Variants in ZNF112 observed in about 807,000 individuals in gnomAD.
ZNF112 encodes the protein zinc finger protein 112 (Y14).
Under a neutral mutation model 77.7 loss-of-function variants are expected in ZNF112, and 37 were observed. The observed-to-expected ratio is 0.48, with a 90% CI of 0.37 to 0.63. The LOEUF is 0.63. ZNF112 is among the 20% of genes least tolerant of loss of function. ZNF112 has a pLI of 0.00. For missense variants in ZNF112, 950 were observed against 1,077.4 expected, an observed-to-expected ratio of 0.88 and a Z score of 1.66; for synonymous variants, 333 against 363.6, an observed-to-expected ratio of 0.92 and a Z score of 0.96.
rs368117046 is a variant in ZNF112 at position 44,329,210 on chromosome 19, T to C, written c.947A>G (p.Gln316Arg). 2.5e-5 allele frequency: 40 copies of C among 1,613,792 alleles called. No homozygotes were observed. Among genetic ancestry groups the C allele is most frequent in the Non-Finnish European group, 2.9e-5 (34 of 1,180,018 alleles). The change falls in exon 4 of 4, where the codon CAG (glutamine) becomes CGG (arginine). Residue 316 changes from glutamine to arginine, a missense_variant. This residue lies in a region of ZNF112 where 560 missense variants were observed against 557.3 expected (regional missense o/e 1.00). Transcript: ENST00000354340. Reference sequence around the variant, plus strand: ...TGGTTTCTCCTCTGTATGCACTCTCTGATAGGATTTCAGATGTGAATTCTC... The same window carrying C: ...TGGTTTCTCCTCTGTATGCACTCTCCGATAGGATTTCAGATGTGAATTCTC... ...DIENSHLKSY[Q>R]RVHTEEKPCK... is the part of the protein sequence containing the mutation.
chr19:44,355,931 C>A (rs1970778629), intron 1 of ZNF112, among the ~76,000 whole-genome samples: 1 of 152,202 alleles, frequency 6.6e-6, no homozygotes, highest in South Asian at 2.1e-4. Context: ...GCCAAAGGGT[C>A]ATTCCCTCCT....
chr19:44,344,525 C>T (rs1218995253), intron 1 of ZNF112, among the ~76,000 whole-genome samples: 5 of 152,196 alleles, frequency 3.3e-5, no homozygotes, highest in Non-Finnish European at 1.5e-5. Context: ...GATGTAAGCA[C>T]AACTACCAAG....
At position 44,329,937 on chromosome 19, in the gene ZNF112, C is replaced by A. The variant is rs771502925; in HGVS notation, c.221-1G>T. On this transcript the variant is annotated splice_acceptor_variant, in intron 3 of 3. Transcript: ENST00000354340. LOFTEE classifies it high-confidence loss of function. ...TCCATCTTTTGTTGATTCTTCCTTC[C>A]TATAAGGATAAAGAGAATTCAGATG... is the stretch of plus-strand genomic sequence containing the variant. 3 of 1,605,194 alleles carry A rather than the reference C, an allele frequency of 1.9e-6. No homozygotes were observed. Among genetic ancestry groups the A allele is most frequent in the South Asian group, 1.1e-5 (1 of 90,258 alleles).
At chr19:44,357,257 T>C (rs1970801975), upstream of ZNF112, among the ~76,000 whole-genome samples, 1 of 152,226 alleles carries the variant, frequency 6.6e-6, no homozygotes, top group African/African-American at 2.4e-5. Context: ...AAGCGGACTT[T>C]ACCTACCTAC....
chr19:44,360,274 GA>G (rs1970843182), upstream of ZNF112, among the ~76,000 whole-genome samples: 2 of 145,020 alleles, frequency 1.4e-5, no homozygotes, highest in African/African-American at 5.1e-5. Flanking sequence ...AAAAAGAAAA[GA>G]AAAAAGAAAG....
upstream of ZNF112, among the ~76,000 whole-genome samples, chr19:44,361,557 G>A (rs2571069): frequency 0.21 from 31,423 of 152,042 alleles, 4,765 homozygotes; most frequent in African/African-American, 0.43. Flanking sequence ...TCAAAGCTAC[G>A]TACTGTAATT....
chr19:44,333,826 T>C (rs1482261910), intron 3 of ZNF112, among the ~76,000 whole-genome samples: 1 of 152,116 alleles, frequency 6.6e-6, no homozygotes, highest in Non-Finnish European at 1.5e-5. Flanking sequence ...AATGGGAGAA[T>C]GGACGAATAA....
At chr19:44,364,618 G>A (rs1230060014) in intron 1 of ZNF112, among the ~76,000 whole-genome samples, 3 of 151,230 alleles carry the variant, frequency 2.0e-5, no homozygotes, top group Admixed American at 2.0e-4. Context: ...ATGAAACAGG[G>A]ATCAAAAATA....
upstream of ZNF112, among the ~76,000 whole-genome samples, chr19:44,358,627 G>A (rs1216148121): frequency 6.6e-6 from 1 of 152,068 alleles, no homozygotes; most frequent in Non-Finnish European, 1.5e-5. Context: ...ACTAAAATTC[G>A]CATCTTTTCA....
At chr19:44,358,081 G>A (rs1401966706), upstream of ZNF112, among the ~76,000 whole-genome samples, 3 of 151,058 alleles carry the variant, frequency 2.0e-5, no homozygotes, top group Non-Finnish European at 4.4e-5. Flanking sequence ...GAACCCGGGA[G>A]GCGGAGCTTG....
intron 1 of ZNF112, among the ~76,000 whole-genome samples, chr19:44,350,189 T>C (rs1970667077): frequency 1.3e-5 from 2 of 152,100 alleles, no homozygotes; most frequent in South Asian, 4.1e-4. Context: ...GGTTACTCAT[T>C]GTATTCTTCA....
chr19:44,363,914 AGTATTTTTTTTT>A (rs1373222221), intron 1 of ZNF112, among the ~76,000 whole-genome samples: 1 of 152,102 alleles, frequency 6.6e-6, no homozygotes, highest in African/African-American at 2.4e-5. Context: ...TGCTGTTATT[AGTATTTTTTTTT>A]GAGATGGAGT....
Position 44,340,459 on chromosome 19 carries a change from G to A in ZNF112, c.81C>T (p.Tyr27=). 6.2e-7 allele frequency: 1 copy of A among 1,614,018 alleles called. No individual in the cohort carries two copies. The highest frequency in any genetic ancestry group is 8.5e-7 in the Non-Finnish European group (1 of 1,179,958). The change falls in exon 2 of 4, where the codon TAC becomes TAT. Residue 27 remains tyrosine (Y), a synonymous_variant. Transcript: ENST00000354340. The part of the protein sequence containing the change: ...GLLDSVQRKL[Y]RDVMLENFRN... ...TGAAGTTCTCCAGCATCACATCTCG[G>A]TACAGCTTCCTCTGGACAGAGTCCA...
intron 2 of ZNF112, among the ~76,000 whole-genome samples, chr19:44,337,350 G>A (rs1342038097): frequency 1.4e-3 from 62 of 44,104 alleles, no homozygotes; most frequent in African/African-American, 5.6e-3. Flanking sequence ...TTGTATATGT[G>A]TAAAATATAT....
chr19:44,335,502 G>A (rs555657332), intron 3 of ZNF112, among the ~76,000 whole-genome samples: 1 of 152,238 alleles, frequency 6.6e-6, no homozygotes, highest in Admixed American at 6.5e-5. Flanking sequence ...AAAAATTAAG[G>A]TATTTTAAAA....
chr19:44,327,948 G>C lies in ZNF112; in HGVS notation c.2209C>G (p.His737Asp). ...RAYLQGHQRV[H>D]TRVKPYKCEM... ...CATTTATACGGTTTCACTCTAGTGT[G>C]GACTCTCTGATGACCTTGAAGATAT... Residue 737 changes from histidine to aspartate, a missense_variant, in exon 4 of 4, where the codon CAC becomes GAC. Transcript: ENST00000354340. 6.2e-7 allele frequency: 1 copy of C among 1,613,412 alleles called. No individual in the cohort carries two copies. The highest frequency in any genetic ancestry group is 8.5e-7 in the Non-Finnish European group (1 of 1,179,872).
intron 1 of ZNF112, among the ~76,000 whole-genome samples, chr19:44,346,988 C>T (rs751790504): frequency 2.0e-5 from 3 of 152,192 alleles, no homozygotes; most frequent in Non-Finnish European, 4.4e-5. Context: ...TACTGGTTTT[C>T]AGTCTTCTTG....
At position 44,329,168 on chromosome 19, in the gene ZNF112, T is replaced by C. The variant is rs1312619679; in HGVS notation, c.989A>G (p.Tyr330Cys). The change falls in exon 4 of 4, where the codon TAT becomes TGT. Residue 330 changes from tyrosine to cysteine, a missense_variant. This residue lies in a region of ZNF112 where 560 missense variants were observed against 557.3 expected (regional missense o/e 1.00). Transcript: ENST00000354340. ...TEEKPCKCGEYGENFNHCSPL... is the reference protein window; with the variant it reads ...TEEKPCKCGECGENFNHCSPL... The stretch of plus-strand genomic sequence containing the variant: ...GGAACAGTGATTGAAGTTCTCACCA[T>C]ATTCACCACATTTGCATGGTTTCTC... The C allele has an allele frequency of 6.2e-7, 1 of 1,613,922 alleles. No individual in the cohort carries two copies. Among genetic ancestry groups the C allele is most frequent in the Non-Finnish European group, 8.5e-7 (1 of 1,179,994 alleles).
intron 1 of ZNF112, among the ~76,000 whole-genome samples, chr19:44,362,107 G>T (rs895179520): frequency 4.6e-5 from 7 of 152,078 alleles, no homozygotes; most frequent in African/African-American, 1.7e-4. Flanking sequence ...ATAAGCTAAT[G>T]AGAAAAAATG....
Sources: allele counts gnomAD v4.1 joint callset (sites outside exome capture counted in the v4.1 genomes callset), GRCh38; gene constraint gnomAD v4.1.1; regional missense constraint gnomAD v4.1.1; transcripts MANE v1.5; gene names NCBI Gene and HGNC (gene_info 2026-07-23, HGNC 2026-07-21).